FHIT: variants seen among roughly 807,000 people sequenced by gnomAD.
FHIT encodes the protein fragile histidine triad diadenosine triphosphatase.
In FHIT, 19 loss-of-function variants were observed where a neutral mutation model predicts 17.9. The ratio of observed to expected loss-of-function variants is 1.06; its 90% CI spans 0.74 to 1.56. The LOEUF (loss-of-function observed/expected upper bound fraction) is 1.56. Ranked by LOEUF, FHIT falls within the 40% of genes most tolerant of loss-of-function variation. The probability of loss-of-function intolerance (pLI) is 0.00; values close to 1 mark genes in which losing one functional copy is unlikely to be tolerated. For missense variants in FHIT, 248 were observed against 189.2 expected (o/e 1.31, Z -1.82); for synonymous variants, 81 against 69.7 (o/e 1.16, Z -0.81).
chr3:60,794,608 G>A (rs1318932704), intron 4 of FHIT, among the ~76,000 whole-genome samples: 3 of 152,152 alleles, frequency 2.0e-5, no homozygotes, highest in African/African-American at 7.2e-5. Flanking sequence ...TAGTAGTTAA[G>A]AGTATATTAA....
At chr3:60,680,542 A>G (rs2040721864) in intron 4 of FHIT, among the ~76,000 whole-genome samples, 1 of 141,748 alleles carries the variant, frequency 7.1e-6, no homozygotes, top group South Asian at 2.3e-4. Context: ...GGTTTTTAAA[A>G]TCCAAATTTC....
At chr3:60,703,706 T>C (rs1478799275) in intron 4 of FHIT, among the ~76,000 whole-genome samples, 1 of 152,168 alleles carries the variant, frequency 6.6e-6, no homozygotes, top group African/African-American at 2.4e-5. Flanking sequence ...TTGAATTGTT[T>C]AAGAACCATA....
chr3:60,650,437 A>T (rs190096909), intron 4 of FHIT, among the ~76,000 whole-genome samples: 27 of 152,234 alleles, frequency 1.8e-4, no homozygotes, highest in Admixed American at 1.0e-3. Context: ...AGGGTCTGGT[A>T]GTCAGTCCAC....
intron 5 of FHIT, among the ~76,000 whole-genome samples, chr3:60,107,214 C>T (rs995540560): frequency 1.5e-5 from 2 of 136,424 alleles, no homozygotes; most frequent in African/African-American, 5.7e-5. Flanking sequence ...TCAACTTACA[C>T]ATCCAGAGCA....
At chr3:60,541,234 C>A (rs1203765416) in intron 4 of FHIT, among the ~76,000 whole-genome samples, 14 of 152,226 alleles carry the variant, frequency 9.2e-5, no homozygotes, top group Admixed American at 9.2e-4. Flanking sequence ...ATCTGTTTTT[C>A]ATGACTTTAT....
intron 8 of FHIT, among the ~76,000 whole-genome samples, chr3:59,857,256 G>C (rs935042014): frequency 3.3e-5 from 5 of 152,146 alleles, no homozygotes; most frequent in African/African-American, 1.2e-4. Flanking sequence ...AGGAATGAGC[G>C]ATACACTGTC....
At chr3:61,051,169 A>G (rs2034011126) in intron 2 of FHIT, among the ~76,000 whole-genome samples, 1 of 152,222 alleles carries the variant, frequency 6.6e-6, no homozygotes, top group African/African-American at 2.4e-5. Context: ...ATGAAGTTAT[A>G]ATAAAAATGT....
intron 5 of FHIT, among the ~76,000 whole-genome samples, chr3:60,110,059 C>T (rs372043581): frequency 9.2e-5 from 14 of 152,068 alleles, no homozygotes; most frequent in Admixed American, 3.3e-4. Context: ...TAAATTAGCC[C>T]AATGTTATGG....
chr3:61,188,847 A>G (rs1459231949), intron 2 of FHIT, among the ~76,000 whole-genome samples: 15 of 152,186 alleles, frequency 9.9e-5, no homozygotes, highest in Non-Finnish European at 2.9e-5. Flanking sequence ...GATTATCTCA[A>G]TAGATGCAGA....
chr3:60,653,471 A>G (rs534067941), intron 4 of FHIT, among the ~76,000 whole-genome samples: 9 of 150,814 alleles, frequency 6.0e-5, no homozygotes, highest in South Asian at 4.2e-4. Context: ...CAGGAGGTCT[A>G]AGGATGACTA....
chr3:60,106,019 C>A (rs1338021446), intron 5 of FHIT, among the ~76,000 whole-genome samples: 1 of 152,190 alleles, frequency 6.6e-6, no homozygotes, highest in Non-Finnish European at 1.5e-5. Flanking sequence ...GCAAGCAGTT[C>A]TGAGTAGTGT....
chr3:60,333,348 C>A (rs751856156), intron 5 of FHIT, among the ~76,000 whole-genome samples: 1 of 152,182 alleles, frequency 6.6e-6, no homozygotes, highest in Non-Finnish European at 1.5e-5. Context: ...CCAAAGAAAT[C>A]ATAGATCCCT....
intron 4 of FHIT, among the ~76,000 whole-genome samples, chr3:60,712,747 C>T (rs1393278697): frequency 6.8e-6 from 1 of 146,820 alleles, no homozygotes; most frequent in East Asian, 2.0e-4. Flanking sequence ...TATATATGCA[C>T]CCAATACAGG....
At chr3:60,110,922 C>G (rs923091742) in intron 5 of FHIT, among the ~76,000 whole-genome samples, 3 of 152,124 alleles carry the variant, frequency 2.0e-5, no homozygotes, top group Non-Finnish European at 2.9e-5. Flanking sequence ...CTAATCTCTG[C>G]TAAGTGTTTC....
chr3:60,973,275 G>A (rs1368794387), intron 3 of FHIT, among the ~76,000 whole-genome samples: 2 of 152,154 alleles, frequency 1.3e-5, no homozygotes, highest in Non-Finnish European at 2.9e-5. Flanking sequence ...ACCCTAGGTT[G>A]TAGTTCTTCA....
intron 3 of FHIT, among the ~76,000 whole-genome samples, chr3:60,858,815 G>C (rs937998036): frequency 4.6e-5 from 7 of 152,240 alleles, no homozygotes; most frequent in South Asian, 4.2e-4. Context: ...TCCTAGCAGT[G>C]CTCATTACCT....
At position 60,817,059 on chromosome 3, in the gene FHIT, C is replaced by T. The variant is rs139049413; in HGVS notation, c.-18+4860G>A. Among the ~76,000 whole-genome samples, 137 of 151,776 alleles carry T rather than the reference C, an allele frequency of 9.0e-4. 1 individual carries two copies. Among genetic ancestry groups the T allele is most frequent in the African/African-American group, 1.3e-3 (54 of 41,454 alleles). On this transcript the variant is annotated intron_variant, in intron 4 of 9. Transcript: ENST00000492590. ...TCAGTGGTTTTTCTAGGAATTAAAA[C>T]ATATATTCTTGATCTTTCACAGTCT...
intron 7 of FHIT, among the ~76,000 whole-genome samples, chr3:59,942,031 C>G (rs927754134): frequency 2.6e-5 from 4 of 152,170 alleles, no homozygotes; most frequent in African/African-American, 7.2e-5. Context: ...GCCCTGAGAA[C>G]TGGAATCATC....
intron 5 of FHIT, among the ~76,000 whole-genome samples, chr3:60,185,322 T>G (rs1702113451): frequency 6.6e-6 from 1 of 152,226 alleles, no homozygotes; most frequent in Non-Finnish European, 1.5e-5. Flanking sequence ...ATGATTTGTT[T>G]ACCATCTCCA....
Sources: allele counts gnomAD v4.1 joint callset (sites outside exome capture counted in the v4.1 genomes callset), GRCh38; gene constraint gnomAD v4.1.1; transcripts MANE v1.5; gene names NCBI Gene and HGNC (gene_info 2026-07-23, HGNC 2026-07-21).